Variants in TLR10 observed in about 807,000 individuals in gnomAD.
TLR10 encodes the protein toll like receptor 10, also known as toll-like receptor 10.
For missense variants in TLR10, 929 were observed against 932.9 expected, an observed-to-expected ratio of 1.00 and a Z score of 0.05; for synonymous variants, 288 against 338.8, an observed-to-expected ratio of 0.85 and a Z score of 1.65.
chr4:38,780,838 A>T (rs1319486609), intron 1 of TLR10, among the ~76,000 whole-genome samples: 1 of 152,316 alleles, frequency 6.6e-6, no homozygotes, highest in South Asian at 2.1e-4. Flanking sequence ...TTATGGCTTG[A>T]TAGGACCCTG....
chr4:38,775,322 T>G lies in TLR10; in HGVS notation c.269A>C (p.Lys90Thr). ...TAACTCCTTGTTGAATTCAAAGGTT[T>G]TGAGATCCAGCTGTTGAATTCTGTT... ...CHNRIQQLDL[K>T]TFEFNKELRY... The change falls in exon 4 of 4, where the codon AAA becomes ACA. Residue 90 changes from lysine (K) to threonine (T), a missense_variant. Lys to Thr is a moderately conservative substitution (Grantham distance 78). Coordinates refer to ENST00000308973, the MANE Select transcript of TLR10 (RefSeq NM_030956.4). 1 of 1,614,146 alleles carries G rather than the reference T, an allele frequency of 6.2e-7. No homozygotes were observed. The highest frequency in any genetic ancestry group is 8.5e-7 in the Non-Finnish European group (1 of 1,180,008).
At position 38,773,381 on chromosome 4, in the gene TLR10, C is replaced by G; in HGVS notation, c.2210G>C (p.Cys737Ser). The G allele has an allele frequency of 1.9e-6, 3 of 1,613,734 alleles. No homozygotes were observed. Among genetic ancestry groups the G allele is most frequent in the Non-Finnish European group, 1.7e-6 (2 of 1,179,964 alleles). Residue 737 changes from cysteine to serine, a missense_variant, in exon 4 of 4, where the codon TGC becomes TCC. Physicochemically the swap from Cys to Ser is moderately radical, Grantham distance 112 (BLOSUM62 -1). Transcript: ENST00000308973. ...LILLEPIPFY[C>S]IPTRYHKLKA... Reference sequence around the variant, plus strand: ...CAGTTTATGATACCTGGTGGGAATGCAATAGAATGGAATGGGTTCCAGTAA... The same window carrying G: ...CAGTTTATGATACCTGGTGGGAATGGAATAGAATGGAATGGGTTCCAGTAA...
chr4:38,780,176 G>A (rs910917989), intron 1 of TLR10, among the ~76,000 whole-genome samples: 1 of 152,152 alleles, frequency 6.6e-6, no homozygotes, highest in Non-Finnish European at 1.5e-5. Flanking sequence ...GCTGAGGCAG[G>A]TGGATCACAA....
rs1452669997 is a variant in TLR10 at position 38,773,270 on chromosome 4, G to A, written c.2321C>T (p.Ala774Val). The change falls in exon 4 of 4, where the codon GCT becomes GTT. Residue 774 changes from alanine (A) to valine (V), a missense_variant. Ala to Val is a moderately conservative substitution (Grantham distance 64). Coordinates refer to ENST00000308973, the MANE Select transcript of TLR10 (RefSeq NM_030956.4). ...CGLFWANLRA[A>V]INVNVLATRE... ...GGTGGCTAATACATTAACATTAATA[G>A]CAGCTCGAAGGTTTGCCCAGAAAAG... 8.7e-6 allele frequency: 14 copies of A among 1,611,932 alleles called. No individual in the cohort carries two copies. The highest frequency in any genetic ancestry group is 1.1e-5 in the Non-Finnish European group (13 of 1,179,424).
In TLR10 at chr4:38,774,547, C is replaced by T. The variant is rs943886739; in HGVS notation, c.1044G>A (p.Thr348=). The T allele has an allele frequency of 6.9e-6, 11 of 1,590,594 alleles. No homozygotes were observed. The highest frequency in any genetic ancestry group is 1.4e-5 in the African/African-American group (1 of 73,622). ...TGGCAAAATTTAAATATTGGAATTT[C>T]GTAGGATAATTCGGGAAAAGCATGT... is the stretch of plus-strand genomic sequence containing the variant. ...MPHMLFPNYP[T]KFQYLNFANN... Residue 348 remains threonine, a synonymous_variant, in exon 4 of 4, where the codon ACG becomes ACA. Coordinates refer to ENST00000308973, the MANE Select transcript of TLR10 (RefSeq NM_030956.4).
chr4:38,778,062 A>G (rs1193377878), intron 1 of TLR10, among the ~76,000 whole-genome samples: 1 of 152,234 alleles, frequency 6.6e-6, no homozygotes, highest in African/African-American at 2.4e-5. Context: ...ATGCCCATCA[A>G]TGATAGACTG....
At chr4:38,777,752 C>A (rs552355021) in intron 1 of TLR10, among the ~76,000 whole-genome samples, 1 of 152,210 alleles carries the variant, frequency 6.6e-6, no homozygotes, top group South Asian at 2.1e-4. Context: ...CAATGAGATA[C>A]CATCTCATGC....
At chr4:38,781,063 G>A (rs761030067) in intron 1 of TLR10, among the ~76,000 whole-genome samples, 22 of 152,094 alleles carry the variant, frequency 1.4e-4, no homozygotes, top group Admixed American at 2.6e-4. Flanking sequence ...CAATACCACA[G>A]TCTTATCTGG....
intron 1 of TLR10, among the ~76,000 whole-genome samples, chr4:38,779,636 G>A (rs1190416379): frequency 6.6e-6 from 1 of 152,132 alleles, no homozygotes; most frequent in Non-Finnish European, 1.5e-5. Flanking sequence ...GCCTGGAAGT[G>A]TAATTACTAC....
intron 1 of TLR10, among the ~76,000 whole-genome samples, chr4:38,782,568 T>C (rs1482262430): frequency 6.6e-6 from 1 of 152,136 alleles, no homozygotes. Context: ...ATGCCTTAAA[T>C]AGCCAAAGGT....
At chr4:38,782,585 C>T (rs1725476782) in intron 1 of TLR10, among the ~76,000 whole-genome samples, 1 of 152,134 alleles carries the variant, frequency 6.6e-6, no homozygotes, top group Non-Finnish European at 1.5e-5. Flanking sequence ...AGGTTTCATC[C>T]AGCAGAGGTT....
Position 38,772,868 on chromosome 4 carries a change from A to C in TLR10, c.*287T>G, listed in dbSNP as rs9715769. 26,989 of 190,666 alleles carry C rather than the reference A, an allele frequency of 0.14. 2,533 individuals are homozygous for C. The highest frequency in any genetic ancestry group is 0.35 in the East Asian group (2,653 of 7,648). 11.8% of individuals were successfully genotyped at this position (190,666 alleles called of 1,614,324 possible). A position where few individuals can be genotyped will look rare whatever the true frequency, so the allele number is the denominator to read the frequency against. ...CATCTCTTGACCTCGTGGGTCACCC[A>C]CCTTGGCCTCCCATAGTGCTGGGAT... On this transcript the variant is annotated 3_prime_UTR_variant, in exon 4 of 4. Coordinates refer to ENST00000308973, the MANE Select transcript of TLR10 (RefSeq NM_030956.4).
Position 38,772,335 on chromosome 4 carries a change from A to C in TLR10, c.*820T>G, listed in dbSNP as rs1724676107. On this transcript the variant is annotated 3_prime_UTR_variant, in exon 4 of 4. Coordinates refer to ENST00000308973, the MANE Select transcript of TLR10 (RefSeq NM_030956.4). The stretch of plus-strand genomic sequence containing the variant: ...CATTATAGAAATACACAACATAGAA[A>C]TCAAATGCTCCCTGTAATCCAACCT... 1 of 152,158 alleles carries C rather than the reference A, an allele frequency of 6.6e-6. No homozygotes were observed. Among genetic ancestry groups the C allele is most frequent in the South Asian group, 2.1e-4 (1 of 4,826 alleles). 9.4% of individuals were successfully genotyped at this position (152,158 alleles called of 1,614,324 possible).
At position 38,778,632 on chromosome 4, in the gene TLR10, C is replaced by T. The variant is rs11466622; in HGVS notation, c.-568-2206G>A. On this transcript the variant is annotated intron_variant, in intron 1 of 3. Transcript: ENST00000308973. The stretch of plus-strand genomic sequence containing the variant: ...CAAATTAGTAAACAATTTAACTCTA[C>T]GTGTCCCCACACCAGGCTCTCTGAA... Among the ~76,000 whole-genome samples, 353 of 152,218 alleles carry T rather than the reference C, an allele frequency of 2.3e-3. 3 individuals carry two copies. Among genetic ancestry groups the T allele is most frequent in the African/African-American group, 7.8e-3 (323 of 41,512 alleles).
chr4:38,774,169 T>C lies in TLR10; in HGVS notation c.1422A>G (p.Ala474=). ...CAGGGAGATCAGTTAGAAAATTAAA[T>C]GCAATATTTAGTTCTCGTAAGGCCA... ...HLMALRELNI[A]FNFLTDLPGC... is the part of the protein sequence containing the mutation. Residue 474 remains alanine, a synonymous_variant, in exon 4 of 4, where the codon GCA becomes GCG. Transcript: ENST00000308973. The C allele has an allele frequency of 1.2e-6, 2 of 1,610,944 alleles. No individual in the cohort carries two copies. The highest frequency in any genetic ancestry group is 1.7e-6 in the Non-Finnish European group (2 of 1,178,430).
Position 38,773,566 on chromosome 4 carries a change from G to C in TLR10, c.2025C>G (p.Gly675=). ...ICLYESYFDP[G]KSISENIVSF... is the part of the protein sequence containing the mutation. ...TTACAATATTTTCACTAATGCTTTT[G>C]CCAGGGTCAAAGTAGCTTTCATAAA... is the stretch of plus-strand genomic sequence containing the variant. Residue 675 remains glycine (G), a synonymous_variant, in exon 4 of 4, where the codon GGC becomes GGG. Transcript: ENST00000308973. 6.2e-6 allele frequency: 10 copies of C among 1,607,472 alleles called. No individual in the cohort carries two copies. The highest frequency in any genetic ancestry group is 7.6e-6 in the Non-Finnish European group (9 of 1,177,248).
intron 1 of TLR10, among the ~76,000 whole-genome samples, chr4:38,777,820 G>A (rs774256329): frequency 1.9e-4 from 29 of 152,316 alleles, no homozygotes; most frequent in Admixed American, 3.9e-4. Flanking sequence ...AGAGGGTGTA[G>A]AGAAATAGGA....
rs1477555659 is a variant in TLR10, at chr4:38,774,388, G to C, written c.1203C>G (p.His401Gln). Reference sequence around the variant, plus strand: ...GTAATAGATTTTGACTCAGATCCAAGTGTTCCAAGGGTGTGTTGTTAGCAA... The same window carrying C: ...GTAATAGATTTTGACTCAGATCCAACTGTTCCAAGGGTGTGTTGTTAGCAA... Reference protein sequence around the residue: ...SCFANNTPLEHLDLSQNLLQH... With the variant: ...SCFANNTPLEQLDLSQNLLQH... The change falls in exon 4 of 4, where the codon CAC (histidine) becomes CAG (glutamine). Residue 401 changes from histidine to glutamine, a missense_variant. By Grantham distance (24) the His-to-Gln change is conservative. Transcript: ENST00000308973. The C allele has an allele frequency of 6.2e-7, 1 of 1,613,280 alleles. No homozygotes were observed. The highest frequency in any genetic ancestry group is 8.5e-7 in the Non-Finnish European group (1 of 1,179,772).
In TLR10 at chr4:38,773,318, G is replaced by A; in HGVS notation, c.2273C>T (p.Pro758Leu). The A allele has an allele frequency of 6.2e-7, 1 of 1,613,656 alleles. No homozygotes were observed. Among genetic ancestry groups the A allele is most frequent in the Non-Finnish European group, 8.5e-7 (1 of 1,179,906 alleles). Residue 758 changes from proline to leucine, a missense_variant, in exon 4 of 4, where the codon CCC (proline) becomes CTC (leucine). Transcript: ENST00000308973. ...AAGCCCACATTTACGCCTATCCTTG[G>A]GCCATTCCAAGTATGCTTTTTTTTC... ...LLEKKAYLEW[P>L]KDRRKCGLFW...
Sources: allele counts gnomAD v4.1 joint callset (sites outside exome capture counted in the v4.1 genomes callset), GRCh38; gene constraint gnomAD v4.1.1; transcripts MANE v1.5; gene names NCBI Gene and HGNC (gene_info 2026-07-23, HGNC 2026-07-21).